ENPP7: variants seen among roughly 807,000 people sequenced by gnomAD.
ENPP7 encodes ectonucleotide pyrophosphatase/phosphodiesterase family member 7.
In ENPP7, 39 loss-of-function variants were observed where a neutral mutation model predicts 33.6. That is an observed-to-expected ratio of 1.16 (90% CI 0.90 to 1.52). The LOEUF (loss-of-function observed/expected upper bound fraction) is 1.52. Among genes scored for constraint, ENPP7 ranks in the 40% most tolerant of loss-of-function variants. The pLI, the probability that ENPP7 is intolerant of heterozygous loss-of-function variation, is 0.00. For synonymous variants in ENPP7, 244 were observed against 274.3 expected, an observed-to-expected ratio of 0.89 and a Z score of 1.09; for missense variants, 594 against 641.0, an observed-to-expected ratio of 0.93 and a Z score of 0.79.
In ENPP7 at chr17:79,731,081, C is replaced by G; in HGVS notation, c.-59C>G. ...GCCCGGGTGACCCTGGGACTTTGTC[C>G]TCCTCGGCAGGAGCCAGCCCTGTGC... On this transcript the variant is annotated 5_prime_UTR_variant, in exon 1 of 6. Transcript: ENST00000328313. 2.6e-6 allele frequency: 4 copies of G among 1,526,106 alleles called. No homozygotes were observed. The South Asian group carries it at 5.0e-5, about 19-fold the overall frequency. The allele number at this position is 1,526,106 out of a possible 1,614,324, so 94.5% of individuals were successfully genotyped here.
At chr17:79,741,029 G>A (rs1407023858) in intron 5 of ENPP7, among the ~76,000 whole-genome samples, 1 of 152,012 alleles carries the variant, frequency 6.6e-6, no homozygotes, top group Non-Finnish European at 1.5e-5. Context: ...GTGTTGCCCA[G>A]GCTGGAGTGC....
In ENPP7 at chr17:79,737,098, A is replaced by G. The variant is rs1017808529; in HGVS notation, c.1084A>G (p.Met362Val). ...EHGFDNKDMDMKTIFRAVGPS... is the reference protein window; with the variant it reads ...EHGFDNKDMDVKTIFRAVGPS... ...CGGCTTTGACAACAAGGACATGGAC[A>G]TGAAGACCATCTTCCGCGCTGTGGG... is the stretch of plus-strand genomic sequence containing the variant. Residue 362 changes from methionine to valine, a missense_variant, in exon 4 of 6, where the codon ATG becomes GTG. This residue lies in a region of ENPP7 where 504 missense variants were observed against 512.8 expected (regional missense o/e 0.98). Transcript: ENST00000328313. The surrounding 1 kb of genome is among the most constrained non-coding windows in gnomAD (Gnocchi z 5.5). The G allele has an allele frequency of 3.7e-6, 6 of 1,614,188 alleles. No homozygotes were observed. The highest frequency in any genetic ancestry group is 1.6e-4 in the Middle Eastern group (1 of 6,062).
Position 79,737,092 on chromosome 17 carries a change from A to G in ENPP7, c.1078A>G (p.Met360Val), listed in dbSNP as rs143420654. 5 of 1,614,068 alleles carry G rather than the reference A, an allele frequency of 3.1e-6. No individual in the cohort carries two copies. The African/African-American group carries it at 6.7e-5, about 22-fold the overall frequency. ...GGAGCACGGCTTTGACAACAAGGAC[A>G]TGGACATGAAGACCATCTTCCGCGC... is the stretch of plus-strand genomic sequence containing the variant. ...NGEHGFDNKD[M>V]DMKTIFRAVG... is the part of the protein sequence containing the mutation. The change falls in exon 4 of 6, where the codon ATG (methionine) becomes GTG (valine). Residue 360 changes from methionine (M) to valine (V), a missense_variant. Transcript: ENST00000328313. This position sits in a 1 kb window ranked among gnomAD's most constrained non-coding sequence, Gnocchi z 5.5.
intron 1 of ENPP7, among the ~76,000 whole-genome samples, chr17:79,733,170 TC>T (rs1474883600): frequency 1.3e-5 from 2 of 152,218 alleles, no homozygotes; most frequent in African/African-American, 4.8e-5. Flanking sequence ...TCACCCGCAA[TC>T]TTTTGCTAAA....
At chr17:79,741,636 ACTGCCTGCCG>A (rs1284477913) in intron 5 of ENPP7, among the ~76,000 whole-genome samples, 148 bp from the exon 6 acceptor site, 2 of 80,814 alleles carry the variant, frequency 2.5e-5, no homozygotes, top group Non-Finnish European at 5.2e-5. Flanking sequence ...GCCCCCTTCC[ACTGCCTGCCG>A]CCCCCCCTCC....
At position 79,731,330 on chromosome 17, in the gene ENPP7, C is replaced by A; in HGVS notation, c.191C>A (p.Ala64Glu). Residue 64 changes from alanine (A) to glutamate (E), a missense_variant, in exon 1 of 6, where the codon GCA (alanine) becomes GAA (glutamate). Coordinates refer to ENST00000328313, the MANE Select transcript of ENPP7 (RefSeq NM_178543.5). Reference protein sequence around the residue: ...LDAMARDGVKARYMTPAFVTM... With the variant: ...LDAMARDGVKERYMTPAFVTM... Reference sequence around the variant, plus strand: ...GCCATGGCCCGAGACGGGGTGAAGGCACGCTACATGACCCCCGCCTTTGTC... The same window carrying A: ...GCCATGGCCCGAGACGGGGTGAAGGAACGCTACATGACCCCCGCCTTTGTC... The A allele has an allele frequency of 6.2e-7, 1 of 1,613,712 alleles. No homozygotes were observed. Among genetic ancestry groups the A allele is most frequent in the African/African-American group, 1.3e-5 (1 of 75,062 alleles).
chr17:79,737,780 G>A lies in ENPP7; in HGVS notation c.1247-136G>A. 1.0e-6 allele frequency: 1 copy of A among 965,772 alleles called. No homozygotes were observed. Among genetic ancestry groups the A allele is most frequent in the East Asian group, 2.4e-5 (1 of 41,458 alleles). The allele number at this position is 965,772 out of a possible 1,614,324, so 59.8% of individuals were successfully genotyped here. ...GCTATGAAGGGCCGTGGTGGACAAAGGCCATGGGACCAAGGGGGCGGTGAA... is the reference window on the plus strand; with the variant it reads ...GCTATGAAGGGCCGTGGTGGACAAAAGCCATGGGACCAAGGGGGCGGTGAA... On this transcript the variant is annotated intron_variant, in intron 4 of 5. Transcript: ENST00000328313. The surrounding 1 kb of genome is among the most constrained non-coding windows in gnomAD (Gnocchi z 5.5).
intron 5 of ENPP7, among the ~76,000 whole-genome samples, chr17:79,741,109 T>C (rs182431044): frequency 2.0e-5 from 3 of 152,220 alleles, no homozygotes; most frequent in South Asian, 2.1e-4. Flanking sequence ...CTCAGCCTCC[T>C]GAGTAGCTGA....
At position 79,738,384 on chromosome 17, in the gene ENPP7, C is replaced by A. The variant is rs77765893; in HGVS notation, c.*16+322C>A. ...AGCTGCTGCCTCCCCTCCTTCCTGC[C>A]ATCTCTGTGCTCCACTGGGATAGCT... On this transcript the variant is annotated intron_variant, in intron 5 of 5. Coordinates refer to ENST00000328313, the MANE Select transcript of ENPP7 (RefSeq NM_178543.5). This position sits in a 1 kb window ranked among gnomAD's most constrained non-coding sequence, Gnocchi z 6.2. 791 of 292,636 alleles carry A rather than the reference C, an allele frequency of 2.7e-3. 8 individuals carry two copies. Among genetic ancestry groups the A allele is most frequent in the African/African-American group, 0.015 (716 of 47,396 alleles). The allele number at this position is 292,636 out of a possible 1,614,324, so 18.1% of individuals were successfully genotyped here. A position where few individuals can be genotyped will look rare whatever the true frequency, so the allele number is the denominator to read the frequency against.
chr17:79,734,999 A>C (rs782147740), intron 2 of ENPP7, 44 bp from the exon 3 acceptor site: 4 of 1,592,144 alleles, frequency 2.5e-6, no homozygotes, highest in South Asian at 2.3e-5. Context: ...GACAAGGGGC[A>C]GCCCACTGAG....
In ENPP7 at chr17:79,739,070, C is replaced by T. The variant is rs1240091169; in HGVS notation, c.*16+1008C>T. ...AGGCAGGCGCGACCTTGTCATTTGC[C>T]CGGCCTGGAATGGCCTCTCTGAGAA... On this transcript the variant is annotated intron_variant, in intron 5 of 5. Coordinates refer to ENST00000328313, the MANE Select transcript of ENPP7 (RefSeq NM_178543.5). This position sits in a 1 kb window ranked among gnomAD's most constrained non-coding sequence, Gnocchi z 4.4. The T allele has an allele frequency of 6.6e-6, 1 of 152,288 alleles. No homozygotes were observed. Among genetic ancestry groups the T allele is most frequent in the Non-Finnish European group, 1.5e-5 (1 of 68,078 alleles). The allele number at this position is 152,288 out of a possible 1,614,324, so 9.4% of individuals were successfully genotyped here.
Position 79,741,837 on chromosome 17 carries a change from G to A in ENPP7, c.*60G>A, listed in dbSNP as rs945903105. 2.0e-5 allele frequency: 20 copies of A among 985,796 alleles called. No individual in the cohort carries two copies. The African/African-American group carries it at 3.3e-4, about 16-fold the overall frequency. The allele number at this position is 985,796 out of a possible 1,614,324, so 61.1% of individuals were successfully genotyped here. On this transcript the variant is annotated 3_prime_UTR_variant, in exon 6 of 6. Coordinates refer to ENST00000328313, the MANE Select transcript of ENPP7 (RefSeq NM_178543.5). ...CCGCAGGCCCTGGGCCGGCTGTCTC[G>A]CTGCGATGCTCTGCTGGTCGCGGAC...
intron 3 of ENPP7, 119 bp from the exon 4 acceptor site, chr17:79,736,922 C>A: frequency 1.4e-6 from 1 of 738,212 alleles, no homozygotes; most frequent in Non-Finnish European, 2.3e-6. Context: ...GTCTTGGAAC[C>A]CCTCCAGCCC....
At position 79,735,338 on chromosome 17, in the gene ENPP7, G is replaced by A. The variant is rs530922212; in HGVS notation, c.695G>A (p.Arg232His). The stretch of plus-strand genomic sequence containing the variant: ...GGCTACCTCCGGGAGAGCATCGCGC[G>A]CAACCACCTCACAGACCGCCTCAAC... ...TVGYLRESIA[R>H]NHLTDRLNLI... Residue 232 changes from arginine to histidine, a missense_variant, in exon 3 of 6, where the codon CGC becomes CAC. Coordinates refer to ENST00000328313, the MANE Select transcript of ENPP7 (RefSeq NM_178543.5). This position sits in a 1 kb window ranked among gnomAD's most constrained non-coding sequence, Gnocchi z 5.5. 2.2e-5 allele frequency: 35 copies of A among 1,613,606 alleles called. No homozygotes were observed. Among genetic ancestry groups the A allele is most frequent in the South Asian group, 6.6e-5 (6 of 91,074 alleles).
At position 79,737,838 on chromosome 17, in the gene ENPP7, G is replaced by A. The variant is rs562929500; in HGVS notation, c.1247-78G>A. On this transcript the variant is annotated intron_variant, in intron 4 of 5. Transcript: ENST00000328313. The surrounding 1 kb of genome is among the most constrained non-coding windows in gnomAD (Gnocchi z 5.5). ...GGAGGGGCTCGTGGGGACCAACAGAGGACCCCGAGTTTACTGTGGAGAGGC... is the reference window on the plus strand; with the variant it reads ...GGAGGGGCTCGTGGGGACCAACAGAAGACCCCGAGTTTACTGTGGAGAGGC... 4 of 1,523,622 alleles carry A rather than the reference G, an allele frequency of 2.6e-6. No homozygotes were observed. The Admixed American group carries it at 5.1e-5, about 19-fold the overall frequency. 94.4% of individuals were successfully genotyped at this position (1,523,622 alleles called of 1,614,324 possible). A position where few individuals can be genotyped will look rare whatever the true frequency, so the allele number is the denominator to read the frequency against.
At position 79,737,826 on chromosome 17, in the gene ENPP7, G is replaced by A. The variant is rs1446156784; in HGVS notation, c.1247-90G>A. The A allele has an allele frequency of 3.4e-5, 49 of 1,431,612 alleles. No individual in the cohort carries two copies. Among genetic ancestry groups the A allele is most frequent in the Non-Finnish European group, 4.5e-5 (46 of 1,029,714 alleles). 88.7% of individuals were successfully genotyped at this position (1,431,612 alleles called of 1,614,324 possible). A position where few individuals can be genotyped will look rare whatever the true frequency, so the allele number is the denominator to read the frequency against. On this transcript the variant is annotated intron_variant, in intron 4 of 5. Transcript: ENST00000328313. The surrounding 1 kb of genome is among the most constrained non-coding windows in gnomAD (Gnocchi z 5.5). ...GTGAAAGAGGAAGGAGGGGCTCGTG[G>A]GGACCAACAGAGGACCCCGAGTTTA...
At chr17:79,731,469 G>T (rs1555822504) in intron 1 of ENPP7, 77 bp downstream of exon 1, 2 of 1,495,014 alleles carry the variant, frequency 1.3e-6, no homozygotes, top group South Asian at 1.3e-5. Context: ...TGTCGTGCAG[G>T]ATAAAGGGGA....
chr17:79,735,699 A>G lies in ENPP7; in HGVS notation c.1026+30A>G. On this transcript the variant is annotated intron_variant, in intron 3 of 5. Coordinates refer to ENST00000328313, the MANE Select transcript of ENPP7 (RefSeq NM_178543.5). The surrounding 1 kb of genome is among the most constrained non-coding windows in gnomAD (Gnocchi z 5.5). ...GTCGCCTGCTGGAGGCACCACCTCC[A>G]GGGGCTCCCTCCCCAGGCTCTGGGT... 1 of 1,569,932 alleles carries G rather than the reference A, an allele frequency of 6.4e-7. No individual in the cohort carries two copies. Among genetic ancestry groups the G allele is most frequent in the Non-Finnish European group, 8.6e-7 (1 of 1,158,486 alleles).
Position 79,735,318 on chromosome 17 carries a change from C to A in ENPP7, c.675C>A (p.Tyr225Ter), listed in dbSNP as rs149510774. ...MVRQVDRTVGYLRESIARNHL... is the reference protein window; with the variant it reads ...MVRQVDRTVG ...GGCAGGTGGACCGGACCGTGGGCTA[C>A]CTCCGGGAGAGCATCGCGCGCAACC... Residue 225 changes from tyrosine to a stop codon, truncating the protein, a stop_gained, in exon 3 of 6, where the codon TAC (tyrosine) becomes TAA (stop). Transcript: ENST00000328313. LOFTEE classifies it high-confidence loss of function. The surrounding 1 kb of genome is among the most constrained non-coding windows in gnomAD (Gnocchi z 5.5). 6.8e-5 allele frequency: 109 copies of A among 1,613,316 alleles called. 1 individual carries two copies. Among genetic ancestry groups the A allele is most frequent in the Non-Finnish European group, 8.8e-5 (104 of 1,180,032 alleles).
Sources: gnomAD v4.1 joint callset for allele counts (sites outside exome capture counted in the v4.1 genomes callset) on GRCh38, gnomAD v4.1.1 for gene constraint, gnomAD v4.1.1 regional missense constraint, Gnocchi (gnomAD v3.1) non-coding constraint, MANE v1.5 for transcripts, NCBI Gene and HGNC (gene_info 2026-07-23, HGNC 2026-07-21) for gene names.